The following KIAA0825 variants were observed in gnomAD, a reference collection of about 807,000 sequenced individuals.
KIAA0825 encodes the protein KIAA0825.
Under a neutral mutation model 147.6 loss-of-function variants are expected in KIAA0825, and 119 were observed. That is an observed-to-expected ratio of 0.81 (90% confidence interval 0.69 to 0.94). The LOEUF (loss-of-function observed/expected upper bound fraction) is 0.94, where lower values mean the gene tolerates loss of function less well. Ranked by LOEUF, KIAA0825 falls within the 40% of genes least tolerant of loss-of-function variation. KIAA0825 has a pLI of 0.00. For synonymous variants in KIAA0825, 470 were observed against 518.1 expected, an observed-to-expected ratio of 0.91 and a Z score of 1.26; for missense variants, 1,381 against 1,472.7, an observed-to-expected ratio of 0.94 and a Z score of 1.02.
chr5:94,479,664 G>C (rs1762276416), intron 6 of KIAA0825, among the ~76,000 whole-genome samples: 1 of 152,112 alleles, frequency 6.6e-6, no homozygotes, highest in Non-Finnish European at 1.5e-5. Context: ...AGCTTTGTAA[G>C]ATACTGCCAA....
intron 20 of KIAA0825, among the ~76,000 whole-genome samples, chr5:94,158,426 T>A (rs886640539): frequency 6.6e-6 from 1 of 152,156 alleles, no homozygotes; most frequent in Non-Finnish European, 1.5e-5. Context: ...TATTTTTGGC[T>A]GACACTACAC....
chr5:94,342,095 C>T (rs1354843882), intron 20 of KIAA0825, among the ~76,000 whole-genome samples: 1 of 151,822 alleles, frequency 6.6e-6, no homozygotes, highest in Non-Finnish European at 1.5e-5. Context: ...ACTTGGGAGG[C>T]TGAGGCAGGA....
chr5:94,591,101 G>C (rs1784272371), intron 1 of KIAA0825, among the ~76,000 whole-genome samples: 1 of 152,104 alleles, frequency 6.6e-6, no homozygotes, highest in Non-Finnish European at 1.5e-5. Flanking sequence ...TTATGGAGAA[G>C]AGAAATATAA....
At chr5:94,326,532 C>T (rs988444294) in intron 20 of KIAA0825, among the ~76,000 whole-genome samples, 1 of 152,224 alleles carries the variant, frequency 6.6e-6, no homozygotes, top group South Asian at 2.1e-4. Flanking sequence ...GCAATTGAAT[C>T]GGTTGTCTAA....
chr5:94,222,236 A>AT (rs1773727946), intron 20 of KIAA0825, among the ~76,000 whole-genome samples: 1 of 152,192 alleles, frequency 6.6e-6, no homozygotes, highest in South Asian at 2.1e-4. Context: ...GTAAGAGAAG[A>AT]TTAAAGGAGA....
Position 94,462,368 on chromosome 5 carries a change from A to T in KIAA0825, c.2246+19T>A. 8.1e-7 allele frequency: 1 copy of T among 1,241,784 alleles called. No individual in the cohort carries two copies. The highest frequency in any genetic ancestry group is 1.1e-6 in the Non-Finnish European group (1 of 905,340). 76.9% of individuals were successfully genotyped at this position (1,241,784 alleles called of 1,614,324 possible). A position where few individuals can be genotyped will look rare whatever the true frequency, so the allele number is the denominator to read the frequency against. ...CGTTATATCATAATAGCTAAAAGGA[A>T]AATACATTTGATACTTACTTATATA... On this transcript the variant is annotated intron_variant, in intron 12 of 20. Transcript: ENST00000682413.
chr5:94,190,189 AT>A (rs1354575355), intron 20 of KIAA0825, among the ~76,000 whole-genome samples: 15 of 152,006 alleles, frequency 9.9e-5, no homozygotes, highest in African/African-American at 3.4e-4. Context: ...ATTCCTTATG[AT>A]TTTCTACCTA....
intron 20 of KIAA0825, among the ~76,000 whole-genome samples, chr5:94,177,244 G>T (rs1769189319): frequency 6.6e-6 from 1 of 151,962 alleles, no homozygotes; most frequent in South Asian, 2.1e-4. Flanking sequence ...CTAAGCCATT[G>T]AGCAATGGAA....
At chr5:94,281,518 T>C (rs1777464054) in intron 20 of KIAA0825, among the ~76,000 whole-genome samples, 2 of 152,104 alleles carry the variant, frequency 1.3e-5, no homozygotes, top group African/African-American at 4.8e-5. Context: ...TCAGTTTTCC[T>C]AGGTGATTGT....
At chr5:94,320,899 A>G (rs1410723477) in intron 20 of KIAA0825, among the ~76,000 whole-genome samples, 2 of 152,096 alleles carry the variant, frequency 1.3e-5, no homozygotes, top group Non-Finnish European at 2.9e-5. Context: ...AACCAGCCTG[A>G]TTCTTCAAAA....
intron 20 of KIAA0825, among the ~76,000 whole-genome samples, chr5:94,276,702 G>A (rs1278473311): frequency 6.6e-6 from 1 of 151,968 alleles, no homozygotes; most frequent in African/African-American, 2.4e-5. Flanking sequence ...GATTGATTAA[G>A]ATTTAATTCT....
At chr5:94,255,675 A>G (rs1229237299) in intron 20 of KIAA0825, among the ~76,000 whole-genome samples, 1 of 136,956 alleles carries the variant, frequency 7.3e-6, no homozygotes, top group African/African-American at 2.7e-5. Context: ...TTAGGAGAAA[A>G]TTGATTTACT....
intron 1 of KIAA0825, among the ~76,000 whole-genome samples, chr5:94,583,926 C>T (rs936365908): frequency 6.6e-6 from 1 of 152,152 alleles, no homozygotes; most frequent in Non-Finnish European, 1.5e-5. Context: ...CTCCAACAGA[C>T]CTGCAGCTGA....
rs1766634821 is a variant in KIAA0825, at chr5:94,152,849, AAAAAAATTATATATATAT to A, written c.*1140_*1157del. The A allele has an allele frequency of 2.1e-4, 5 of 23,540 alleles. No individual in the cohort carries two copies. Among genetic ancestry groups the A allele is most frequent in the Non-Finnish European group, 3.5e-4 (4 of 11,416 alleles). The allele number at this position is 23,540 out of a possible 1,614,324, so 1.5% of individuals were successfully genotyped here. On this transcript the variant is annotated 3_prime_UTR_variant, in exon 21 of 21. Transcript: ENST00000682413. ...AAAAAAAAAAAAAAAAAAAAAAAAAAAAAAAATTATATATATATATATATATATATATATATATATATA... is the reference window on the plus strand; with the variant it reads ...AAAAAAAAAAAAAAAAAAAAAAAAAAATATATATATATATATATATATATA...
At chr5:94,242,058 AAGTT>A (rs1361228976) in intron 20 of KIAA0825, among the ~76,000 whole-genome samples, 2 of 152,198 alleles carry the variant, frequency 1.3e-5, no homozygotes, top group Non-Finnish European at 2.9e-5. Flanking sequence ...AGTGTTTTCA[AAGTT>A]TTAATTTTTT....
At chr5:94,469,457 C>A (rs1038769498) in intron 10 of KIAA0825, among the ~76,000 whole-genome samples, 3 of 152,094 alleles carry the variant, frequency 2.0e-5, no homozygotes, top group African/African-American at 7.2e-5. Flanking sequence ...CAGGCGTGAG[C>A]CACCGCACCC....
intron 20 of KIAA0825, among the ~76,000 whole-genome samples, chr5:94,305,234 C>A (rs1313753242): frequency 6.6e-6 from 1 of 151,832 alleles, no homozygotes; most frequent in Admixed American, 6.6e-5. Context: ...AAATAATGAC[C>A]AATCTTTCTT....
At chr5:94,448,470 TTTTAA>T (rs1346870097) in intron 13 of KIAA0825, among the ~76,000 whole-genome samples, 4 of 152,118 alleles carry the variant, frequency 2.6e-5, no homozygotes, top group African/African-American at 9.7e-5. Flanking sequence ...TCTCAGCCAC[TTTTAA>T]TTAATTATCT....
intron 20 of KIAA0825, among the ~76,000 whole-genome samples, chr5:94,186,271 A>AT (rs1410704385): frequency 2.0e-5 from 3 of 152,158 alleles, no homozygotes; most frequent in African/African-American, 4.8e-5. Context: ...TTTATTTTTA[A>AT]TTTTTTAAAA....
Sources: allele counts gnomAD v4.1 joint callset (sites outside exome capture counted in the v4.1 genomes callset), GRCh38; gene constraint gnomAD v4.1.1; transcripts MANE v1.5; gene names NCBI Gene and HGNC (gene_info 2026-07-23, HGNC 2026-07-21).